The following MARCHF2 variants were observed in gnomAD, a reference collection of about 807,000 sequenced individuals.
MARCHF2 encodes the protein E3 ubiquitin-protein ligase MARCHF2.
Under a neutral mutation model 24.0 loss-of-function variants are expected in MARCHF2, and 22 were observed. The ratio of observed to expected loss-of-function variants is 0.92; its 90% CI spans 0.66 to 1.31. MARCHF2 has a LOEUF of 1.31. Among genes scored for constraint, MARCHF2 ranks in the 50% most tolerant of loss-of-function variants. The probability of loss-of-function intolerance (pLI) is 0.00; values close to 1 mark genes in which losing one functional copy is unlikely to be tolerated. For missense variants in MARCHF2, 301 were observed against 335.3 expected (o/e 0.90, Z 0.80); for synonymous variants, 154 against 153.0 (o/e 1.01, Z -0.05).
chr19:8,422,004 T>C lies in MARCHF2; in HGVS notation c.164T>C (p.Leu55Ser). 1.9e-6 allele frequency: 3 copies of C among 1,611,416 alleles called. No individual in the cohort carries two copies. Among genetic ancestry groups the C allele is most frequent in the Non-Finnish European group, 1.7e-6 (2 of 1,178,818 alleles). The change falls in exon 2 of 5, where the codon TTG (leucine) becomes TCG (serine). Residue 55 changes from leucine (L) to serine (S), a missense_variant. Physicochemically the swap from Leu to Ser is moderately radical, Grantham distance 145. Transcript: ENST00000215555. ...GRLLSTVIRA[L>S]DTPSDGPFCR... ...CTCCTCTCCACCGTCATCCGTGCCT[T>C]GGACACACCGAGGTGAGTGGTGACT... is the stretch of plus-strand genomic sequence containing the variant.
At chr19:8,424,771 C>G (rs1326413230) in intron 2 of MARCHF2, among the ~76,000 whole-genome samples, 2 of 152,138 alleles carry the variant, frequency 1.3e-5, no homozygotes, top group East Asian at 3.8e-4. Flanking sequence ...TGCAGGAGCT[C>G]CAGGCTTCTG....
chr19:8,417,000 T>C (rs572181960), intron 1 of MARCHF2, among the ~76,000 whole-genome samples: 7 of 152,160 alleles, frequency 4.6e-5, no homozygotes, highest in Non-Finnish European at 8.8e-5. Context: ...TCTTAATAGA[T>C]AGAAGCTGCT....
intron 2 of MARCHF2, among the ~76,000 whole-genome samples, chr19:8,425,690 C>T (rs1196002212): frequency 1.3e-5 from 2 of 151,240 alleles, no homozygotes; most frequent in Non-Finnish European, 2.9e-5. Context: ...AATCTCGGCT[C>T]ACTGTAACCT....
intron 2 of MARCHF2, 71 bp downstream of exon 2, chr19:8,422,087 G>C: frequency 6.6e-7 from 1 of 1,505,132 alleles, no homozygotes; most frequent in Non-Finnish European, 8.9e-7. Flanking sequence ...GTTTCTCCCA[G>C]CCTGGGGTTA....
At chr19:8,413,962 T>C (rs538221422) in intron 1 of MARCHF2, among the ~76,000 whole-genome samples, 19 of 152,246 alleles carry the variant, frequency 1.2e-4, no homozygotes, top group South Asian at 6.2e-4. Context: ...TCCCCTGTTA[T>C]ACAGTTGAGA....
rs1309038772 is a variant in MARCHF2, at chr19:8,430,209, C to T, written c.373-449C>T. 1.3e-5 allele frequency among the ~76,000 whole-genome samples: 2 copies of T among 151,934 alleles called. No homozygotes were observed. Among genetic ancestry groups the T allele is most frequent in the Non-Finnish European group, 2.9e-5 (2 of 67,992 alleles). ...TGAAACCCCATCTCTACTAAAAATACAAAATTAGCAGGGCATGGTGGCGCT... is the reference window on the plus strand; with the variant it reads ...TGAAACCCCATCTCTACTAAAAATATAAAATTAGCAGGGCATGGTGGCGCT... On this transcript the variant is annotated intron_variant, in intron 3 of 4. Coordinates refer to ENST00000215555, the MANE Select transcript of MARCHF2 (RefSeq NM_001005415.2). The surrounding 1 kb of genome is among the most constrained non-coding windows in gnomAD (Gnocchi z 4.4).
In MARCHF2 at chr19:8,438,254, A is replaced by C; in HGVS notation, c.583-134A>C. 3 of 868,194 alleles carry C rather than the reference A, an allele frequency of 3.5e-6. No homozygotes were observed. The South Asian group carries it at 4.6e-5, about 13-fold the overall frequency. The allele number at this position is 868,194 out of a possible 1,614,324, so 53.8% of individuals were successfully genotyped here. A position where few individuals can be genotyped will look rare whatever the true frequency, so the allele number is the denominator to read the frequency against. ...TGTGTGTGTGCACTTTGTGGGAGGAATGTTCATAAGCCAGCTCTGCTTCTG... is the reference window on the plus strand; with the variant it reads ...TGTGTGTGTGCACTTTGTGGGAGGACTGTTCATAAGCCAGCTCTGCTTCTG... On this transcript the variant is annotated intron_variant, in intron 4 of 4. Transcript: ENST00000215555.
At chr19:8,414,317 T>C (rs1012495092) in intron 1 of MARCHF2, among the ~76,000 whole-genome samples, 1 of 152,026 alleles carries the variant, frequency 6.6e-6, no homozygotes, top group African/African-American at 2.4e-5. Context: ...TTGCCCAGGC[T>C]GGAATGCAGT....
intron 4 of MARCHF2, among the ~76,000 whole-genome samples, chr19:8,431,820 A>G (rs755529591): frequency 8.6e-5 from 13 of 152,022 alleles, no homozygotes; most frequent in Admixed American, 1.3e-4. Flanking sequence ...CCTGGGCGAC[A>G]AGAGCAAAAC....
In MARCHF2 at chr19:8,421,920, A is replaced by C; in HGVS notation, c.80A>C (p.Glu27Ala). 1 of 1,613,782 alleles carries C rather than the reference A, an allele frequency of 6.2e-7. No homozygotes were observed. The highest frequency in any genetic ancestry group is 8.5e-7 in the Non-Finnish European group (1 of 1,179,912). ...AGCCCTGCCTTCTCCAAGGTCGTGGAGGCTACGGGCCTCGGACCGCCCCAG... is the reference window on the plus strand; with the variant it reads ...AGCCCTGCCTTCTCCAAGGTCGTGGCGGCTACGGGCCTCGGACCGCCCCAG... ...SGSPAFSKVV[E>A]ATGLGPPQYV... The change falls in exon 2 of 5, where the codon GAG becomes GCG. Residue 27 changes from glutamate to alanine, a missense_variant. By Grantham distance (107) the Glu-to-Ala change is moderately radical (BLOSUM62 -1). Coordinates refer to ENST00000215555, the MANE Select transcript of MARCHF2 (RefSeq NM_001005415.2).
At chr19:8,417,928 A>G (rs891931750) in intron 1 of MARCHF2, among the ~76,000 whole-genome samples, 2 of 146,678 alleles carry the variant, frequency 1.4e-5, no homozygotes, top group Non-Finnish European at 3.0e-5. Context: ...ATGCCTGGCT[A>G]ATTTTTTTGT....
At position 8,430,645 on chromosome 19, in the gene MARCHF2, C is replaced by T; in HGVS notation, c.373-13C>T. On this transcript the variant is annotated splice_polypyrimidine_tract_variant and intron_variant, in intron 3 of 4. Transcript: ENST00000215555. This position sits in a 1 kb window ranked among gnomAD's most constrained non-coding sequence, Gnocchi z 4.4. ...TGCCCCCTCTCCTCTGCCCCCTATC[C>T]TCTCCCCTGCAGTGGCTGAAGGACC... The T allele has an allele frequency of 6.2e-7, 1 of 1,604,882 alleles. No individual in the cohort carries two copies. Among genetic ancestry groups the T allele is most frequent in the East Asian group, 2.2e-5 (1 of 44,882 alleles).
chr19:8,419,162 A>G (rs535867756), intron 1 of MARCHF2, among the ~76,000 whole-genome samples: 1 of 151,850 alleles, frequency 6.6e-6, no homozygotes, highest in South Asian at 2.1e-4. Flanking sequence ...GGAGTTTGAG[A>G]CCATCCTGGC....
chr19:8,425,988 G>T (rs1568238065), intron 2 of MARCHF2, among the ~76,000 whole-genome samples: 1 of 151,558 alleles, frequency 6.6e-6, no homozygotes, highest in Non-Finnish European at 1.5e-5. Context: ...AGCACTTTGG[G>T]AGCCTGAGGC....
At chr19:8,435,469 C>G (rs897368996) in intron 4 of MARCHF2, among the ~76,000 whole-genome samples, 2 of 152,084 alleles carry the variant, frequency 1.3e-5, no homozygotes, top group Non-Finnish European at 2.9e-5. Flanking sequence ...TTTACCCAAG[C>G]AGTGCATTTG....
rs1967191801 is a variant in MARCHF2 at position 8,420,087 on chromosome 19, G to A, written c.-52-1702G>A. Among the ~76,000 whole-genome samples, 5 of 150,648 alleles carry A rather than the reference G, an allele frequency of 3.3e-5. No individual in the cohort carries two copies. The South Asian group carries it at 1.0e-3, about 31-fold the overall frequency. The stretch of plus-strand genomic sequence containing the variant: ...GTAGGAGAATGGTGTGAACCCAGGA[G>A]GTGGAGCTTGCAGTGAGCTGAGATC... On this transcript the variant is annotated intron_variant, in intron 1 of 4. Transcript: ENST00000215555.
chr19:8,421,926 C>T lies in MARCHF2; in HGVS notation c.86C>T (p.Thr29Met), dbSNP rs775035880. The change falls in exon 2 of 5, where the codon ACG (threonine) becomes ATG (methionine). Residue 29 changes from threonine to methionine, a missense_variant. Coordinates refer to ENST00000215555, the MANE Select transcript of MARCHF2 (RefSeq NM_001005415.2). ...SPAFSKVVEA[T>M]GLGPPQYVAQ... is the part of the protein sequence containing the mutation. ...GCCTTCTCCAAGGTCGTGGAGGCTA[C>T]GGGCCTCGGACCGCCCCAGTATGTG... 5.0e-6 allele frequency: 8 copies of T among 1,613,630 alleles called. No individual in the cohort carries two copies. The highest frequency in any genetic ancestry group is 1.7e-5 in the Admixed American group (1 of 59,914).
chr19:8,416,132 A>G (rs537996374), intron 1 of MARCHF2, among the ~76,000 whole-genome samples: 14 of 152,164 alleles, frequency 9.2e-5, no homozygotes, highest in African/African-American at 3.1e-4. Context: ...TCACGAGGTC[A>G]GGAGTTCGAG....
chr19:8,433,841 G>T (rs1967642859), intron 4 of MARCHF2, among the ~76,000 whole-genome samples: 1 of 150,698 alleles, frequency 6.6e-6, no homozygotes, highest in African/African-American at 2.4e-5. Flanking sequence ...TCCAGCCTGG[G>T]TGCCTGAGTG....
Sources: gnomAD v4.1 joint callset for allele counts (sites outside exome capture counted in the v4.1 genomes callset) on GRCh38, gnomAD v4.1.1 for gene constraint, Gnocchi (gnomAD v3.1) non-coding constraint, MANE v1.5 for transcripts, NCBI Gene and HGNC (gene_info 2026-07-23, HGNC 2026-07-21) for gene names.